The following CCDC170 variants were observed in gnomAD, a reference collection of about 807,000 sequenced individuals.
CCDC170 encodes the protein coiled-coil domain-containing protein 170.
In CCDC170, 69 loss-of-function variants were observed where a neutral mutation model predicts 72.6. That is an observed-to-expected ratio of 0.95 (90% CI 0.78 to 1.16). The LOEUF is 1.16. Ranked by LOEUF, CCDC170 falls within the 50% of genes most tolerant of loss-of-function variation. The probability of loss-of-function intolerance (pLI) is 0.00; values close to 1 mark genes in which losing one functional copy is unlikely to be tolerated. For missense variants in CCDC170, 852 were observed against 832.5 expected, an observed-to-expected ratio of 1.02 and a Z score of -0.29; for synonymous variants, 300 against 303.9, an observed-to-expected ratio of 0.99 and a Z score of 0.13.
At chr6:151,543,391 T>A (rs1038511419) in intron 3 of CCDC170, among the ~76,000 whole-genome samples, 2 of 152,162 alleles carry the variant, frequency 1.3e-5, no homozygotes, top group African/African-American at 2.4e-5. Flanking sequence ...ATACAATGTA[T>A]AATGATCAAA....
At chr6:151,551,251 A>G (rs997101638) in intron 5 of CCDC170, among the ~76,000 whole-genome samples, 1 of 152,202 alleles carries the variant, frequency 6.6e-6, no homozygotes, top group African/African-American at 2.4e-5. Context: ...TCACTTGAAA[A>G]TAAGTTGCAG....
In CCDC170 at chr6:151,586,065, C is replaced by T; in HGVS notation, c.1269C>T (p.Asp423=). 1.2e-6 allele frequency: 2 copies of T among 1,614,086 alleles called. No individual in the cohort carries two copies. The highest frequency in any genetic ancestry group is 3.3e-5 in the Admixed American group (2 of 60,016). Residue 423 remains aspartate, a synonymous_variant, in exon 7 of 11, where the codon GAC becomes GAT. Transcript: ENST00000239374. ...AELVSGGVLR[D]NLNFEKQKYL... is the part of the protein sequence containing the mutation. Reference sequence around the variant, plus strand: ...TGGTTTCTGGAGGTGTTTTGCGAGACAACTTGAATTTTGAGAAACAAAAAG... The same window carrying T: ...TGGTTTCTGGAGGTGTTTTGCGAGATAACTTGAATTTTGAGAAACAAAAAG...
chr6:151,572,931 T>G (rs565667227), intron 5 of CCDC170, among the ~76,000 whole-genome samples: 1 of 152,124 alleles, frequency 6.6e-6, no homozygotes, highest in South Asian at 2.1e-4. Flanking sequence ...GGATTACAGG[T>G]GTGAGCCACC....
chr6:151,505,613 G>T (rs1782056584), intron 1 of CCDC170, among the ~76,000 whole-genome samples: 1 of 152,086 alleles, frequency 6.6e-6, no homozygotes, highest in Non-Finnish European at 1.5e-5. Flanking sequence ...GAACCCGGGA[G>T]GCGGAGCTTG....
At chr6:151,549,672 C>G (rs1782846192) in intron 5 of CCDC170, among the ~76,000 whole-genome samples, 1 of 152,106 alleles carries the variant, frequency 6.6e-6, no homozygotes, top group Non-Finnish European at 1.5e-5. Flanking sequence ...AGTGATCCTC[C>G]CACTTGGGAC....
intron 7 of CCDC170, among the ~76,000 whole-genome samples, chr6:151,588,954 A>AACAT (rs1224479468): frequency 6.6e-6 from 1 of 151,884 alleles, no homozygotes; most frequent in Non-Finnish European, 1.5e-5. Flanking sequence ...CAAACAAACA[A>AACAT]ACAAAAAACC....
intron 5 of CCDC170, among the ~76,000 whole-genome samples, chr6:151,559,293 T>G (rs538483398): frequency 2.5e-3 from 374 of 152,308 alleles, no homozygotes; most frequent in Non-Finnish European, 1.6e-3. Context: ...ATTACAGGCA[T>G]AAGCCACTGT....
At chr6:151,582,605 A>T (rs1776394243) in intron 6 of CCDC170, among the ~76,000 whole-genome samples, 1 of 152,164 alleles carries the variant, frequency 6.6e-6, no homozygotes, top group South Asian at 2.1e-4. Flanking sequence ...TGAGTAATTG[A>T]TAAAGAAAAG....
chr6:151,496,854 T>A (rs1781918862), intron 1 of CCDC170, among the ~76,000 whole-genome samples: 1 of 152,262 alleles, frequency 6.6e-6, no homozygotes, highest in Non-Finnish European at 1.5e-5. Context: ...ACTTATCGCA[T>A]AACGTAGTTT....
chr6:151,598,381 A>G (rs1415308890), intron 9 of CCDC170, among the ~76,000 whole-genome samples: 1 of 152,142 alleles, frequency 6.6e-6, no homozygotes, highest in Non-Finnish European at 1.5e-5. Context: ...AGGGATATGG[A>G]TGACAGCTGA....
At chr6:151,571,914 G>A (rs1776224589) in intron 5 of CCDC170, among the ~76,000 whole-genome samples, 1 of 152,206 alleles carries the variant, frequency 6.6e-6, no homozygotes, top group Admixed American at 6.5e-5. Context: ...GGAGTGCACT[G>A]ATGCAATTAC....
chr6:151,607,244 A>G (rs1181485533), intron 9 of CCDC170, among the ~76,000 whole-genome samples: 3 of 152,140 alleles, frequency 2.0e-5, no homozygotes, highest in Admixed American at 6.5e-5. Context: ...TTTTCAGTCT[A>G]TATTTTTTAA....
In CCDC170 at chr6:151,548,326, A is replaced by G; in HGVS notation, c.611A>G (p.Asn204Ser). The G allele has an allele frequency of 6.3e-7, 1 of 1,593,000 alleles. No individual in the cohort carries two copies. The highest frequency in any genetic ancestry group is 1.3e-5 in the African/African-American group (1 of 74,100). ...ILKLRDLRKE[N>S]EFVKGQIVIL... ...CAGCTTAGAGACCTGCGCAAAGAAA[A>G]TGAATTCGTGAAAGGACAAATTGTT... is the stretch of plus-strand genomic sequence containing the variant. The change falls in exon 5 of 11, where the codon AAT becomes AGT. Residue 204 changes from asparagine (N) to serine (S), a missense_variant. By Grantham distance (46) the Asn-to-Ser change is conservative. Coordinates refer to ENST00000239374, the MANE Select transcript of CCDC170 (RefSeq NM_025059.4).
At chr6:151,595,810 C>A (rs1311640102) in intron 8 of CCDC170, among the ~76,000 whole-genome samples, 2 of 151,556 alleles carry the variant, frequency 1.3e-5, no homozygotes, top group African/African-American at 2.4e-5. Flanking sequence ...TAGAATGAGA[C>A]CCTGTCTCAA....
chr6:151,523,308 T>A (rs954238), intron 1 of CCDC170, among the ~76,000 whole-genome samples: 48,294 of 152,040 alleles, frequency 0.32, 9,603 homozygotes, highest in African/African-American at 0.56. Flanking sequence ...ATTTAGTGCA[T>A]CACAGAAGCT....
chr6:151,494,733 GCA>G (rs889441343), intron 1 of CCDC170, among the ~76,000 whole-genome samples: 8 of 152,036 alleles, frequency 5.3e-5, no homozygotes, highest in African/African-American at 1.9e-4. Context: ...ATGCGCGCGC[GCA>G]CACACACACG....
chr6:151,534,659 C>T (rs1423458111), intron 1 of CCDC170, among the ~76,000 whole-genome samples: 2 of 152,128 alleles, frequency 1.3e-5, no homozygotes, highest in African/African-American at 4.8e-5. Context: ...CTACCATTTT[C>T]TTGGTTGTGC....
intron 7 of CCDC170, among the ~76,000 whole-genome samples, chr6:151,587,196 G>T (rs545449448): frequency 7.9e-5 from 12 of 152,216 alleles, no homozygotes; most frequent in Admixed American, 4.6e-4. Flanking sequence ...AGAGTTAGAC[G>T]GGAAGAGAAG....
At chr6:151,532,638 G>A (rs6916386) in intron 1 of CCDC170, among the ~76,000 whole-genome samples, 5 of 151,650 alleles carry the variant, frequency 3.3e-5, no homozygotes, top group Non-Finnish European at 7.4e-5. Context: ...AAAGAATAAG[G>A]CTTCTTGAAC....
Sources: gnomAD v4.1 joint callset for allele counts (sites outside exome capture counted in the v4.1 genomes callset) on GRCh38, gnomAD v4.1.1 for gene constraint, MANE v1.5 for transcripts, NCBI Gene and HGNC (gene_info 2026-07-23, HGNC 2026-07-21) for gene names.